The following FBXL13 variants were observed in gnomAD, a reference collection of about 807,000 sequenced individuals.
The protein encoded by FBXL13 is F-box and leucine rich repeat protein 13.
Under a neutral mutation model 83.6 loss-of-function variants are expected in FBXL13, and 67 were observed. The ratio of observed to expected loss-of-function variants is 0.80; its 90% CI spans 0.66 to 0.98. The LOEUF is 0.98. Among genes scored for constraint, FBXL13 ranks in the 50% least tolerant of loss-of-function variants. The pLI, the probability that FBXL13 is intolerant of heterozygous loss-of-function variation, is 0.00. For synonymous variants in FBXL13, 272 were observed against 299.5 expected, an observed-to-expected ratio of 0.91 and a Z score of 0.95; for missense variants, 822 against 866.5, an observed-to-expected ratio of 0.95 and a Z score of 0.64.
intron 17 of FBXL13, among the ~76,000 whole-genome samples, chr7:102,841,953 T>C (rs1295533555): frequency 6.6e-6 from 1 of 152,202 alleles, no homozygotes; most frequent in Non-Finnish European, 1.5e-5. Flanking sequence ...CCCACTACCC[T>C]TCATTCTACC....
intron 16 of FBXL13, among the ~76,000 whole-genome samples, chr7:102,857,211 C>CAACAAA (rs60927470): frequency 0.19 from 28,998 of 151,724 alleles, 2,988 homozygotes; most frequent in East Asian, 0.42. Flanking sequence ...AAACCACAGG[C>CAACAAA]AACAAAAACA....
At chr7:102,902,275 G>A (rs1813061521) in intron 11 of FBXL13, among the ~76,000 whole-genome samples, 1 of 152,068 alleles carries the variant, frequency 6.6e-6, no homozygotes, top group African/African-American at 2.4e-5. Flanking sequence ...TTTTTTGATA[G>A]AACTATTAGA....
At chr7:102,859,982 G>C (rs1157754637) in intron 16 of FBXL13, among the ~76,000 whole-genome samples, 1 of 152,142 alleles carries the variant, frequency 6.6e-6, no homozygotes, top group Admixed American at 6.5e-5. Context: ...ATGGAATTAA[G>C]GGGCCTGAAT....
intron 8 of FBXL13, chr7:102,933,827 T>C: frequency 7.1e-7 from 1 of 1,400,384 alleles, no homozygotes; most frequent in Non-Finnish European, 9.6e-7. Flanking sequence ...ACTGCATTAG[T>C]TAAGATTACC....
chr7:102,824,671 A>T (rs1799309107), intron 18 of FBXL13, among the ~76,000 whole-genome samples: 1 of 152,010 alleles, frequency 6.6e-6, no homozygotes, highest in Non-Finnish European at 1.5e-5. Context: ...TTTTTAGTAG[A>T]GACAGGGTTT....
chr7:103,069,848 G>T (rs527375485), intron 1 of FBXL13, among the ~76,000 whole-genome samples: 16 of 152,350 alleles, frequency 1.1e-4, no homozygotes, highest in Non-Finnish European at 2.2e-4. Flanking sequence ...GGAGGCCGAG[G>T]CAGGTGGATC....
rs375593775 is a variant in FBXL13, at chr7:102,944,730, T to G, written c.725-12797A>C. ...AGGGTAATCCAGCTAAAGGAAGCTT[T>G]CTTTAATTATAAGTATTATTGTGAC... On this transcript the variant is annotated intron_variant, in intron 8 of 19. Coordinates refer to ENST00000313221, the Ensembl canonical transcript of FBXL13. 6 of 820,768 alleles carry G rather than the reference T, an allele frequency of 7.3e-6. No individual in the cohort carries two copies. In the East Asian group the frequency reaches 1.1e-4, roughly 15 times the overall value. 50.8% of individuals were successfully genotyped at this position (820,768 alleles called of 1,614,324 possible).
intron 1 of FBXL13, among the ~76,000 whole-genome samples, chr7:103,068,092 G>A (rs539096302): frequency 1.6e-4 from 25 of 152,284 alleles, no homozygotes; most frequent in Middle Eastern, 3.4e-3. Flanking sequence ...ACCATAGAAG[G>A]ACATGACTGA....
chr7:102,952,811 C>A (rs1350283276), intron 8 of FBXL13, among the ~76,000 whole-genome samples: 1 of 151,974 alleles, frequency 6.6e-6, no homozygotes, highest in Non-Finnish European at 1.5e-5. Flanking sequence ...TGGCAAAACC[C>A]CGTCTCTACT....
rs111511944 is a variant in FBXL13 at position 102,932,016 on chromosome 7, G to T, written c.725-83C>A. On this transcript the variant is annotated intron_variant, in intron 8 of 19. Coordinates refer to ENST00000313221, the Ensembl canonical transcript of FBXL13. Reference sequence around the variant, plus strand: ...TTTTCTATCTTACATTGAATGCAATGTATTCATTAGAAAACAAACAAAAAC... The same window carrying T: ...TTTTCTATCTTACATTGAATGCAATTTATTCATTAGAAAACAAACAAAAAC... 5.7e-5 allele frequency: 72 copies of T among 1,256,346 alleles called. No individual in the cohort carries two copies. In the African/African-American group the frequency reaches 7.3e-4, roughly 13 times the overall value. 77.8% of individuals were successfully genotyped at this position (1,256,346 alleles called of 1,614,324 possible). A position where few individuals can be genotyped will look rare whatever the true frequency, so the allele number is the denominator to read the frequency against.
intron 1 of FBXL13, among the ~76,000 whole-genome samples, chr7:103,066,537 G>A (rs1585641369): frequency 6.6e-6 from 1 of 151,604 alleles, no homozygotes; most frequent in Non-Finnish European, 1.5e-5. Flanking sequence ...GACTACAGGC[G>A]CCCGCCATCA....
chr7:102,811,271 A>G (rs1797419941), downstream of FBXL13, among the ~76,000 whole-genome samples: 1 of 152,232 alleles, frequency 6.6e-6, no homozygotes, highest in Non-Finnish European at 1.5e-5. Flanking sequence ...AGTCCCAGAC[A>G]AAAAGAAAAA....
intron 19 of FBXL13, among the ~76,000 whole-genome samples, chr7:102,813,906 T>G (rs1451834019): frequency 6.6e-6 from 1 of 152,138 alleles, no homozygotes; most frequent in Non-Finnish European, 1.5e-5. Context: ...AGGCTGACCA[T>G]GCACCAGGCC....
At chr7:102,918,374 T>C (rs1459629353) in intron 10 of FBXL13, among the ~76,000 whole-genome samples, 1 of 152,202 alleles carries the variant, frequency 6.6e-6, no homozygotes, top group Non-Finnish European at 1.5e-5. Context: ...CTACTAAAGG[T>C]ATAACTTCAT....
intron 1 of FBXL13, among the ~76,000 whole-genome samples, chr7:103,063,882 TC>T (rs1169255708): frequency 6.6e-6 from 1 of 152,094 alleles, no homozygotes; most frequent in Non-Finnish European, 1.5e-5. Flanking sequence ...TAAGAAATAA[TC>T]CCCTCATCTT....
intron 11 of FBXL13, among the ~76,000 whole-genome samples, chr7:102,906,186 C>T (rs1813723865): frequency 6.6e-6 from 1 of 152,190 alleles, no homozygotes. Flanking sequence ...TTACCTCCCA[C>T]AACACATGGG....
At chr7:102,947,663 C>T (rs751372798) in intron 8 of FBXL13, among the ~76,000 whole-genome samples, 16 of 151,754 alleles carry the variant, frequency 1.1e-4, no homozygotes, top group Admixed American at 2.0e-4. Context: ...CTCTTTTTTA[C>T]GACAGACAAT....
At chr7:102,948,799 T>A (rs886255767) in intron 8 of FBXL13, among the ~76,000 whole-genome samples, 40 of 151,740 alleles carry the variant, frequency 2.6e-4, no homozygotes, top group African/African-American at 9.0e-4. Flanking sequence ...GTAACCTCCA[T>A]CTCATGGGTT....
Position 103,055,761 on chromosome 7 carries a change from G to T in FBXL13, c.-104-14C>A. ...ACATAACAGTGCCTAGGGGAAAAAA[G>T]GGAAATGGCATCAATGTTTCTGAAT... is the stretch of plus-strand genomic sequence containing the variant. On this transcript the variant is annotated splice_polypyrimidine_tract_variant and intron_variant, in intron 1 of 19. Coordinates refer to ENST00000313221, the Ensembl canonical transcript of FBXL13. 8.9e-7 allele frequency: 1 copy of T among 1,126,288 alleles called. No individual in the cohort carries two copies. The highest frequency in any genetic ancestry group is 1.4e-5 in the South Asian group (1 of 71,104). The allele number at this position is 1,126,288 out of a possible 1,614,324, so 69.8% of individuals were successfully genotyped here. A position where few individuals can be genotyped will look rare whatever the true frequency, so the allele number is the denominator to read the frequency against.
Sources: gnomAD v4.1 joint callset for allele counts (sites outside exome capture counted in the v4.1 genomes callset) on GRCh38, gnomAD v4.1.1 for gene constraint, MANE v1.5 for transcripts, NCBI Gene and HGNC (gene_info 2026-07-23, HGNC 2026-07-21) for gene names.